The following PRKAG2 variants were observed in gnomAD, a reference collection of about 807,000 sequenced individuals.
PRKAG2 encodes the protein protein kinase AMP-activated non-catalytic subunit gamma 2, also known as 5'-AMP-activated protein kinase subunit gamma-2.
PRKAG2 carries 26 observed loss-of-function variants against 69.6 expected under a neutral mutation model. The observed-to-expected ratio is 0.37, with a 90% CI of 0.27 to 0.52. The LOEUF is 0.52. PRKAG2 is among the 20% of genes least tolerant of loss of function. PRKAG2 has a pLI of 0.90. For missense variants in PRKAG2, 557 were observed against 740.0 expected (o/e 0.75, Z 2.87); for synonymous variants, 293 against 285.0 (o/e 1.03, Z -0.28).
chr7:151,804,244 G>T (rs1260919359), intron 1 of PRKAG2, among the ~76,000 whole-genome samples: 2 of 152,228 alleles, frequency 1.3e-5, no homozygotes, highest in African/African-American at 4.8e-5. Flanking sequence ...CCAGTCCCCT[G>T]TAGGTGACGC....
At chr7:151,800,543 C>T (rs1398402109) in intron 1 of PRKAG2, among the ~76,000 whole-genome samples, 1 of 151,998 alleles carries the variant, frequency 6.6e-6, no homozygotes, top group Non-Finnish European at 1.5e-5. Context: ...CCAGGTGGGC[C>T]CCAGGGCCAC....
intron 1 of PRKAG2, among the ~76,000 whole-genome samples, chr7:151,812,588 A>T (rs2078477064): frequency 6.6e-6 from 1 of 152,204 alleles, no homozygotes; most frequent in Admixed American, 6.5e-5. Context: ...ACAGGACTCA[A>T]GAGTTTGTTT....
At position 151,866,281 on chromosome 7, in the gene PRKAG2, G is replaced by A. The variant is rs1480335169; in HGVS notation, c.114+10226C>T. ...CCTTGGCTGCTCGTGGGGCATCTGG[G>A]CCATAGCCAAGCAGAGATATCAAAA... On this transcript the variant is annotated intron_variant, in intron 1 of 15. Coordinates refer to ENST00000287878, the MANE Select transcript of PRKAG2 (RefSeq NM_016203.4). 2.6e-5 allele frequency among the ~76,000 whole-genome samples: 4 copies of A among 152,266 alleles called. No homozygotes were observed. In the East Asian group the frequency reaches 7.7e-4, roughly 29 times the overall value.
At chr7:151,603,600 G>C (rs530194178) in intron 5 of PRKAG2, among the ~76,000 whole-genome samples, 14 of 116,040 alleles carry the variant, frequency 1.2e-4, no homozygotes, top group East Asian at 1.0e-3. Flanking sequence ...CACACGGAGG[G>C]ACACGCTCCG....
intron 1 of PRKAG2, among the ~76,000 whole-genome samples, chr7:151,866,547 A>G (rs942702046): frequency 6.6e-6 from 1 of 152,208 alleles, no homozygotes; most frequent in Non-Finnish European, 1.5e-5. Flanking sequence ...TATCTGATAC[A>G]ATCAAGAATA....
intron 3 of PRKAG2, among the ~76,000 whole-genome samples, chr7:151,759,492 T>C (rs140753471): frequency 1.0e-3 from 155 of 152,338 alleles, no homozygotes; most frequent in African/African-American, 3.7e-3. Flanking sequence ...TAGCAGGTTC[T>C]CATGTAACGT....
At chr7:151,801,194 G>A (rs541515681) in intron 1 of PRKAG2, among the ~76,000 whole-genome samples, 36 of 152,226 alleles carry the variant, frequency 2.4e-4, no homozygotes, top group African/African-American at 7.9e-4. Flanking sequence ...CTGTATCCAC[G>A]GCTCCAGGTC....
At position 151,667,068 on chromosome 7, in the gene PRKAG2, C is replaced by T. The variant is rs574763996; in HGVS notation, c.684+8352G>A. On this transcript the variant is annotated intron_variant, in intron 4 of 15. Coordinates refer to ENST00000287878, the MANE Select transcript of PRKAG2 (RefSeq NM_016203.4). Reference sequence around the variant, plus strand: ...TCAGCTCCCTGCCCAGGACAGCTGTCGTCTACTGACTGGCTGGTGTCAGAG... The same window carrying T: ...TCAGCTCCCTGCCCAGGACAGCTGTTGTCTACTGACTGGCTGGTGTCAGAG... Among the ~76,000 whole-genome samples the T allele has an allele frequency of 4.6e-5, 7 of 152,306 alleles. No individual in the cohort carries two copies. In the East Asian group the frequency reaches 5.8e-4, roughly 13 times the overall value.
At chr7:151,705,863 C>T (rs77593949) in intron 3 of PRKAG2, among the ~76,000 whole-genome samples, 2 of 152,100 alleles carry the variant, frequency 1.3e-5, no homozygotes, top group African/African-American at 4.8e-5. Flanking sequence ...TCATCTCACC[C>T]GCTGCGTTTT....
intron 3 of PRKAG2, among the ~76,000 whole-genome samples, chr7:151,768,664 G>A (rs1235365590): frequency 2.6e-5 from 4 of 152,098 alleles, no homozygotes; most frequent in African/African-American, 4.8e-5. Flanking sequence ...ACAGGGTTTC[G>A]CCATGTTGGC....
At chr7:151,846,890 AC>A (rs1489570051) in intron 1 of PRKAG2, among the ~76,000 whole-genome samples, 1 of 152,218 alleles carries the variant, frequency 6.6e-6, no homozygotes, top group Non-Finnish European at 1.5e-5. Flanking sequence ...ACTAACACGC[AC>A]AGCTGGGAAT....
intron 1 of PRKAG2, among the ~76,000 whole-genome samples, chr7:151,811,403 G>C (rs2078415545): frequency 1.3e-5 from 2 of 152,246 alleles, no homozygotes; most frequent in Non-Finnish European, 2.9e-5. Context: ...TGCTCTGCCA[G>C]GCCCAGGCCA....
intron 4 of PRKAG2, among the ~76,000 whole-genome samples, chr7:151,641,549 TTTC>T (rs1179884342): frequency 6.8e-6 from 1 of 148,072 alleles, no homozygotes; most frequent in Non-Finnish European, 1.5e-5. Context: ...GAACCGGCCC[TTTC>T]TTTCTTTTTT....
At chr7:151,707,958 C>T (rs769707032) in intron 3 of PRKAG2, among the ~76,000 whole-genome samples, 11 of 152,216 alleles carry the variant, frequency 7.2e-5, no homozygotes, top group South Asian at 4.1e-4. Flanking sequence ...CCAACCCAGA[C>T]GGGGCAGGGG....
intron 3 of PRKAG2, among the ~76,000 whole-genome samples, chr7:151,774,131 G>T (rs1262691439): frequency 6.6e-6 from 1 of 152,174 alleles, no homozygotes; most frequent in Non-Finnish European, 1.5e-5. Flanking sequence ...AGGGAAGTAG[G>T]TTTGATATTC....
intron 3 of PRKAG2, among the ~76,000 whole-genome samples, chr7:151,733,345 C>G (rs922412076): frequency 2.0e-5 from 3 of 152,232 alleles, no homozygotes; most frequent in Non-Finnish European, 2.9e-5. Context: ...TTTCTTGACC[C>G]TGTGGTCAGA....
rs1364600819 is a variant in PRKAG2, at chr7:151,837,947, T to C, written c.114+38560A>G. 2.6e-5 allele frequency among the ~76,000 whole-genome samples: 4 copies of C among 152,076 alleles called. No individual in the cohort carries two copies. In the South Asian group the frequency reaches 8.3e-4, roughly 32 times the overall value. On this transcript the variant is annotated intron_variant, in intron 1 of 15. Coordinates refer to ENST00000287878, the MANE Select transcript of PRKAG2 (RefSeq NM_016203.4). ...GGGCAGCGCTGGCTGGAAAGGACAC[T>C]GGAGCAGGCCGCGCCTGGGCCTTGG...
chr7:151,736,097 G>T lies in PRKAG2; in HGVS notation c.466+45055C>A, dbSNP rs1000335120. 2.3e-5 allele frequency: 34 copies of T among 1,507,482 alleles called. No homozygotes were observed. The African/African-American group carries it at 4.2e-4, about 18-fold the overall frequency. The allele number at this position is 1,507,482 out of a possible 1,614,324, so 93.4% of individuals were successfully genotyped here. A position where few individuals can be genotyped will look rare whatever the true frequency, so the allele number is the denominator to read the frequency against. ...GAGCCAGAGGAGCATCAGCCCGACA[G>T]GCACAGGGCGCCCCAAAAGCTCAGA... is the stretch of plus-strand genomic sequence containing the variant. On this transcript the variant is annotated intron_variant, in intron 3 of 15. Coordinates refer to ENST00000287878, the MANE Select transcript of PRKAG2 (RefSeq NM_016203.4).
chr7:151,578,597 G>A (rs547911265), intron 6 of PRKAG2, among the ~76,000 whole-genome samples: 91 of 152,160 alleles, frequency 6.0e-4, no homozygotes, highest in African/African-American at 2.0e-3. Flanking sequence ...ATTTTAACCC[G>A]TCCAGCGCTG....
Sources: gnomAD v4.1 joint callset for allele counts (sites outside exome capture counted in the v4.1 genomes callset) on GRCh38, gnomAD v4.1.1 for gene constraint, MANE v1.5 for transcripts, NCBI Gene and HGNC (gene_info 2026-07-23, HGNC 2026-07-21) for gene names.